Variants in TMEM116 observed in about 807,000 individuals in gnomAD.
TMEM116 encodes the protein transmembrane protein 116.
TMEM116 carries 38 observed loss-of-function variants against 44.3 expected under a neutral mutation model. The observed-to-expected ratio is 0.86, with a 90% CI of 0.66 to 1.12. The LOEUF is 1.12. Ranked by LOEUF, TMEM116 falls within the 50% of genes most tolerant of loss-of-function variation. The pLI, the probability that TMEM116 is intolerant of heterozygous loss-of-function variation, is 0.00. For missense variants in TMEM116, 354 were observed against 401.7 expected, an observed-to-expected ratio of 0.88 and a Z score of 1.01; for synonymous variants, 132 against 144.8, an observed-to-expected ratio of 0.91 and a Z score of 0.64.
At chr12:111,939,230 G>A (rs2072448136) in intron 5 of TMEM116, among the ~76,000 whole-genome samples, 3 of 151,994 alleles carry the variant, frequency 2.0e-5, no homozygotes, top group Admixed American at 2.0e-4. Context: ...CGAGACAGGT[G>A]GATCACGAGG....
intron 4 of TMEM116, among the ~76,000 whole-genome samples, chr12:111,987,581 A>T (rs572897644): frequency 6.6e-6 from 1 of 152,310 alleles, no homozygotes; most frequent in African/African-American, 2.4e-5. Context: ...GCCAATAAGC[A>T]CATGAAAAGC....
At position 111,936,838 on chromosome 12, in the gene TMEM116, GA is replaced by G; in HGVS notation, c.450-9del. ...GAGTGCATCAAGATACACCTAGGAAGAAAATCAATAAACAGGAGTACTACTA... is the reference window on the plus strand; with the variant it reads ...GAGTGCATCAAGATACACCTAGGAAGAAATCAATAAACAGGAGTACTACTA... On this transcript the variant is annotated splice_polypyrimidine_tract_variant and intron_variant, in intron 7 of 10. Coordinates refer to ENST00000552374, the MANE Select transcript of TMEM116 (RefSeq NM_001193531.2). 6.3e-7 allele frequency: 1 copy of G among 1,584,310 alleles called. No individual in the cohort carries two copies. The highest frequency in any genetic ancestry group is 1.2e-5 in the South Asian group (1 of 85,236).
At chr12:111,997,580 C>A (rs1430909598) in intron 3 of TMEM116, among the ~76,000 whole-genome samples, 2 of 151,278 alleles carry the variant, frequency 1.3e-5, no homozygotes, top group African/African-American at 4.9e-5. Flanking sequence ...AACAAACAAA[C>A]AAAAAAAACA....
At chr12:111,949,542 T>C (rs1307215732) in intron 4 of TMEM116, among the ~76,000 whole-genome samples, 1 of 152,350 alleles carries the variant, frequency 6.6e-6, no homozygotes, top group African/African-American at 2.4e-5. Flanking sequence ...ATATTAATGA[T>C]CAGGTAATAT....
At chr12:111,992,520 C>T (rs1190410574) in intron 3 of TMEM116, among the ~76,000 whole-genome samples, 2 of 152,112 alleles carry the variant, frequency 1.3e-5, no homozygotes, top group African/African-American at 4.8e-5. Context: ...CCACCCTCCT[C>T]GGCCTCCCAA....
rs2072325340 is a variant in TMEM116, at chr12:111,938,143, G to A, written c.365+18C>T. On this transcript the variant is annotated intron_variant, in intron 6 of 10. Coordinates refer to ENST00000552374, the MANE Select transcript of TMEM116 (RefSeq NM_001193531.2). ...ATGAGAGTCTACACCTCGCTAAGAA[G>A]TAAAGAAAAAATTTTACCTTGAGAA... is the stretch of plus-strand genomic sequence containing the variant. The A allele has an allele frequency of 1.3e-6, 2 of 1,575,246 alleles. No homozygotes were observed. Among genetic ancestry groups the A allele is most frequent in the Non-Finnish European group, 1.7e-6 (2 of 1,154,770 alleles).
intron 5 of TMEM116, among the ~76,000 whole-genome samples, chr12:111,942,391 G>C: frequency 6.6e-6 from 1 of 152,156 alleles, no homozygotes; most frequent in Non-Finnish European, 1.5e-5. Flanking sequence ...TCCTGCCTCA[G>C]CCTCCTGAGT....
intron 3 of TMEM116, chr12:111,993,251 A>G: frequency 2.3e-6 from 1 of 438,680 alleles, no homozygotes; most frequent in Non-Finnish European, 4.6e-6. Context: ...CCCTGGGTTT[A>G]GTGAAATGCT....
chr12:111,998,231 T>C (rs887546413), intron 3 of TMEM116, among the ~76,000 whole-genome samples: 6 of 152,178 alleles, frequency 3.9e-5, no homozygotes, highest in African/African-American at 7.2e-5. Context: ...GACCGTGGTA[T>C]GTAAAACTAG....
intron 4 of TMEM116, among the ~76,000 whole-genome samples, chr12:111,989,266 G>A (rs965839038): frequency 6.6e-6 from 1 of 152,134 alleles, no homozygotes; most frequent in East Asian, 1.9e-4. Context: ...GCTGCTCAAT[G>A]AAGGCACCTA....
intron 1 of TMEM116, among the ~76,000 whole-genome samples, chr12:112,009,556 T>G (rs7980579): frequency 0.15 from 20,188 of 137,386 alleles, 1,771 homozygotes; most frequent in African/African-American, 0.28. Flanking sequence ...AAAAAAAAAA[T>G]GCTGGGTGCA....
chr12:111,931,905 T>C lies in TMEM116; in HGVS notation c.808-78A>G, dbSNP rs1593247079. The C allele has an allele frequency of 3.4e-5, 33 of 974,388 alleles. No homozygotes were observed. In the South Asian group the frequency reaches 5.6e-4, roughly 17 times the overall value. The allele number at this position is 974,388 out of a possible 1,614,324, so 60.4% of individuals were successfully genotyped here. On this transcript the variant is annotated intron_variant, in intron 10 of 10. Coordinates refer to ENST00000552374, the MANE Select transcript of TMEM116 (RefSeq NM_001193531.2). ...AGGGAATAATTCTCACTCCCCTTAT[T>C]CATAAAGCATTGTTATATTTTCTCT...
intron 4 of TMEM116, among the ~76,000 whole-genome samples, chr12:111,972,543 T>G (rs2075406305): frequency 6.6e-6 from 1 of 152,224 alleles, no homozygotes; most frequent in Non-Finnish European, 1.5e-5. Flanking sequence ...TTCTTTCAAA[T>G]GCATACAGAA....
At chr12:111,995,491 C>A (rs1254727330) in intron 3 of TMEM116, among the ~76,000 whole-genome samples, 1 of 152,128 alleles carries the variant, frequency 6.6e-6, no homozygotes, top group Non-Finnish European at 1.5e-5. Context: ...CGTCTGTAAT[C>A]TCTGCACTTT....
chr12:112,001,256 C>T (rs1322641007), intron 3 of TMEM116, among the ~76,000 whole-genome samples: 2 of 152,204 alleles, frequency 1.3e-5, no homozygotes, highest in East Asian at 1.9e-4. Flanking sequence ...TCACCTTGGA[C>T]AGTAGTTTTC....
intron 5 of TMEM116, among the ~76,000 whole-genome samples, chr12:111,942,508 G>A (rs771034137): frequency 6.6e-6 from 1 of 152,084 alleles, no homozygotes; most frequent in Non-Finnish European, 1.5e-5. Context: ...TCCTGACCTC[G>A]TGATCTGCCC....
Position 111,938,148 on chromosome 12 carries a change from GA to G in TMEM116, c.365+12del. 6.3e-7 allele frequency: 1 copy of G among 1,585,356 alleles called. No individual in the cohort carries two copies. The highest frequency in any genetic ancestry group is 8.6e-7 in the Non-Finnish European group (1 of 1,163,344). ...AGTCTACACCTCGCTAAGAAGTAAAGAAAAAATTTTACCTTGAGAAAACAAA... is the reference window on the plus strand; with the variant it reads ...AGTCTACACCTCGCTAAGAAGTAAAGAAAAATTTTACCTTGAGAAAACAAA... On this transcript the variant is annotated intron_variant, in intron 6 of 10. Transcript: ENST00000552374.
chr12:111,965,774 A>G, intron 4 of TMEM116: 1 of 376,756 alleles, frequency 2.7e-6, no homozygotes, highest in Non-Finnish European at 5.2e-6. Flanking sequence ...AAAAAAAAAT[A>G]CAAAAATTAG....
At chr12:111,939,639 T>C (rs2072503367) in intron 5 of TMEM116, among the ~76,000 whole-genome samples, 1 of 145,926 alleles carries the variant, frequency 6.9e-6, no homozygotes, top group Non-Finnish European at 1.5e-5. Flanking sequence ...ACTCCGCCCA[T>C]CTCTACAAAA....
Sources: gnomAD v4.1 joint callset for allele counts (sites outside exome capture counted in the v4.1 genomes callset) on GRCh38, gnomAD v4.1.1 for gene constraint, MANE v1.5 for transcripts, NCBI Gene and HGNC (gene_info 2026-07-23, HGNC 2026-07-21) for gene names.